PTER: variants seen among roughly 807,000 people sequenced by gnomAD.
PTER encodes the protein phosphotriesterase related.
In PTER, 38 loss-of-function variants were observed where a neutral mutation model predicts 29.6. The observed-to-expected ratio is 1.28, with a 90% CI of 0.99 to 1.68. The LOEUF is 1.68. Among genes scored for constraint, PTER ranks in the 40% most tolerant of loss-of-function variants. The pLI, the probability that PTER is intolerant of heterozygous loss-of-function variation, is 0.00. For synonymous variants in PTER, 172 were observed against 154.5 expected, an observed-to-expected ratio of 1.11 and a Z score of -0.84; for missense variants, 482 against 427.8, an observed-to-expected ratio of 1.13 and a Z score of -1.12.
chr10:16,460,185 G>C (rs1834561547), intron 1 of PTER, among the ~76,000 whole-genome samples: 1 of 152,252 alleles, frequency 6.6e-6, no homozygotes, highest in Non-Finnish European at 1.5e-5. Flanking sequence ...TCAGTGAACA[G>C]TGGAATTGAG....
downstream of PTER, among the ~76,000 whole-genome samples, chr10:16,515,328 A>G (rs943399836): frequency 2.0e-5 from 3 of 151,680 alleles, no homozygotes; most frequent in African/African-American, 7.3e-5. Flanking sequence ...TCATTTATAC[A>G]TCTTTGATTA....
rs2133532469 is a variant in PTER at position 16,513,145 on chromosome 10, A to G, written c.*1889A>G. On this transcript the variant is annotated 3_prime_UTR_variant, in exon 5 of 5. Transcript: ENST00000535784. ...TTGATTGGCATATGGTAATAGAGCA[A>G]CCATAGCCTTAACTTACAGACCTGT... 6.6e-6 allele frequency: 1 copy of G among 152,348 alleles called. No homozygotes were observed. Among genetic ancestry groups the G allele is most frequent in the East Asian group, 1.9e-4 (1 of 5,190 alleles). 9.4% of individuals were successfully genotyped at this position (152,348 alleles called of 1,614,324 possible).
intron 1 of PTER, among the ~76,000 whole-genome samples, chr10:16,483,546 A>G (rs529290162): frequency 6.6e-6 from 1 of 152,232 alleles, no homozygotes; most frequent in African/African-American, 2.4e-5. Context: ...TAGTGGAGGA[A>G]CAGTAGAAAG....
chr10:16,441,731 ATCT>A (rs1349678066), intron 1 of PTER, among the ~76,000 whole-genome samples: 1 of 152,242 alleles, frequency 6.6e-6, no homozygotes, highest in Non-Finnish European at 1.5e-5. Context: ...ATGACCGAAG[ATCT>A]TCTATTGTCA....
At chr10:16,463,271 G>A (rs1588596534) in intron 1 of PTER, among the ~76,000 whole-genome samples, 1 of 151,828 alleles carries the variant, frequency 6.6e-6, no homozygotes, top group Non-Finnish European at 1.5e-5. Context: ...GGAGACAGAG[G>A]GAAGAACTCA....
intron 1 of PTER, among the ~76,000 whole-genome samples, chr10:16,446,002 G>A (rs191601584): frequency 1.2e-4 from 19 of 152,278 alleles, no homozygotes; most frequent in Admixed American, 2.6e-4. Context: ...AGCTTGCCCC[G>A]TTATCATTTA....
At chr10:16,443,740 G>A (rs894398308) in intron 1 of PTER, among the ~76,000 whole-genome samples, 3 of 152,184 alleles carry the variant, frequency 2.0e-5, no homozygotes, top group Non-Finnish European at 4.4e-5. Context: ...AATATTTGCT[G>A]TAACAACTCG....
intron 1 of PTER, among the ~76,000 whole-genome samples, chr10:16,447,791 C>T (rs1040716067): frequency 3.3e-5 from 5 of 152,184 alleles, no homozygotes; most frequent in African/African-American, 9.7e-5. Context: ...TCCTAGTCTT[C>T]TCTTCCTCTG....
At chr10:16,437,230 G>T (rs986071483) in intron 1 of PTER, 183 bp downstream of exon 1, 1 of 152,278 alleles carries the variant, frequency 6.6e-6, no homozygotes, top group Admixed American at 6.5e-5. Context: ...GTGCTTGAGG[G>T]ACGTTGCAAA....
Position 16,484,554 on chromosome 10 carries a change from T to C in PTER, c.170T>C (p.Leu57Ser), listed in dbSNP as rs1325329785. Residue 57 changes from leucine (L) to serine (S), a missense_variant, in exon 2 of 5, where the codon TTA becomes TCA. Physicochemically the swap from Leu to Ser is moderately radical, Grantham distance 145 (BLOSUM62 -2). Transcript: ENST00000535784. ...AAAGAACCTATCGTGATGAAAAATT[T>C]ATATTGGATTCAGAAAAACGCCTAT... ...ISKEPIVMKN[L>S]YWIQKNAYSH... The C allele has an allele frequency of 1.9e-6, 3 of 1,614,106 alleles. No homozygotes were observed. Among genetic ancestry groups the C allele is most frequent in the South Asian group, 2.2e-5 (2 of 91,078 alleles).
chr10:16,438,163 A>G lies in PTER; in HGVS notation c.-49+1116A>G, dbSNP rs1833718785. Among the ~76,000 whole-genome samples the G allele has an allele frequency of 3.1e-5, 4 of 129,496 alleles. No homozygotes were observed. In the South Asian group the frequency reaches 1.1e-3, roughly 35 times the overall value. The allele number at this position is 129,496 out of a possible 152,430, so 85.0% of individuals were successfully genotyped here. A position where few individuals can be genotyped will look rare whatever the true frequency, so the allele number is the denominator to read the frequency against. ...TGGGACTACAGGCGCGCTCCACCAC[A>G]CACAGCTAATTTTTGTATTTTTAGT... On this transcript the variant is annotated intron_variant, in intron 1 of 4. Coordinates refer to ENST00000535784, the MANE Select transcript of PTER (RefSeq NM_001261836.2).
At chr10:16,451,070 A>G (rs1834191478) in intron 1 of PTER, among the ~76,000 whole-genome samples, 1 of 152,200 alleles carries the variant, frequency 6.6e-6, no homozygotes, top group Admixed American at 6.6e-5. Flanking sequence ...CAAAGGCCCA[A>G]GAGCCCCTGG....
chr10:16,499,655 G>A (rs1836255371), intron 3 of PTER, among the ~76,000 whole-genome samples: 1 of 151,966 alleles, frequency 6.6e-6, no homozygotes, highest in African/African-American at 2.4e-5. Flanking sequence ...TGTTGCCCAA[G>A]CTGGTCTGGA....
chr10:16,492,260 G>A (rs1461680872), intron 3 of PTER, among the ~76,000 whole-genome samples: 1 of 152,126 alleles, frequency 6.6e-6, no homozygotes, highest in African/African-American at 2.4e-5. Flanking sequence ...GCCCTTGATA[G>A]TTACAGCCAC....
At chr10:16,458,500 A>G (rs1834494306) in intron 1 of PTER, among the ~76,000 whole-genome samples, 1 of 152,220 alleles carries the variant, frequency 6.6e-6, no homozygotes, top group African/African-American at 2.4e-5. Flanking sequence ...ATAATGACAC[A>G]ATAACTTAGA....
At position 16,474,842 on chromosome 10, in the gene PTER, G is replaced by A. The variant is rs557230877; in HGVS notation, c.-48-9495G>A. On this transcript the variant is annotated intron_variant, in intron 1 of 4. Coordinates refer to ENST00000535784, the MANE Select transcript of PTER (RefSeq NM_001261836.2). ...GCAGAGGTTGCAGTGAGCCGAGATC[G>A]CACCACTGCACTCCAGCCTGGGTGA... Among the ~76,000 whole-genome samples, 33 of 152,130 alleles carry A rather than the reference G, an allele frequency of 2.2e-4. 1 individual carries two copies. In the East Asian group the frequency reaches 5.8e-3, roughly 27 times the overall value.
intron 1 of PTER, among the ~76,000 whole-genome samples, chr10:16,455,790 A>G (rs942338221): frequency 6.6e-6 from 1 of 152,234 alleles, no homozygotes; most frequent in Non-Finnish European, 1.5e-5. Context: ...GACTTTACCT[A>G]TGAAGTGAAA....
intron 1 of PTER, among the ~76,000 whole-genome samples, chr10:16,475,659 G>C (rs1835233788): frequency 6.6e-6 from 1 of 152,172 alleles, no homozygotes; most frequent in Admixed American, 6.5e-5. Flanking sequence ...GGTCATCATG[G>C]AGACTAACCC....
chr10:16,516,467 A>G (rs1000060872), downstream of PTER, among the ~76,000 whole-genome samples: 2 of 152,164 alleles, frequency 1.3e-5, no homozygotes, highest in African/African-American at 4.8e-5. Context: ...GGTGAAAAAA[A>G]TTAAAAACAA....
Sources: allele counts gnomAD v4.1 joint callset (sites outside exome capture counted in the v4.1 genomes callset), GRCh38; gene constraint gnomAD v4.1.1; transcripts MANE v1.5; gene names NCBI Gene and HGNC (gene_info 2026-07-23, HGNC 2026-07-21).